MAGI2: variants seen among roughly 807,000 people sequenced by gnomAD.
MAGI2 encodes the protein membrane associated guanylate kinase, WW and PDZ domain containing 2.
A neutral mutation model predicts 133.3 loss-of-function variants in MAGI2; 35 were observed. The ratio of observed to expected loss-of-function variants is 0.26; its 90% CI spans 0.20 to 0.35. The LOEUF is 0.35. Among genes scored for constraint, MAGI2 ranks in the 10% least tolerant of loss-of-function variants. The probability of loss-of-function intolerance (pLI) is 1.00; values close to 1 mark genes in which losing one functional copy is unlikely to be tolerated. For synonymous variants in MAGI2, 729 were observed against 710.6 expected (o/e 1.03, Z -0.41); for missense variants, 1,636 against 1,863.4 (o/e 0.88, Z 2.25).
rs1381425516 is a variant in MAGI2, at chr7:78,350,691, G to A, written c.1104-4648C>T. 2.0e-5 allele frequency: 3 copies of A among 152,292 alleles called. No homozygotes were observed. In the South Asian group the frequency reaches 6.2e-4, roughly 32 times the overall value. The allele number at this position is 152,292 out of a possible 1,614,324, so 9.4% of individuals were successfully genotyped here. A position where few individuals can be genotyped will look rare whatever the true frequency, so the allele number is the denominator to read the frequency against. On this transcript the variant is annotated intron_variant, in intron 7 of 21. Transcript: ENST00000354212. ...CTGATTAGAGGCCATGCTGCCAAAG[G>A]TGGTCCCTGGTCCAGGTCCTGTTTG...
At chr7:79,330,814 T>A (rs1399176999) in intron 1 of MAGI2, among the ~76,000 whole-genome samples, 4 of 152,120 alleles carry the variant, frequency 2.6e-5, no homozygotes. Context: ...TGGCAGAGTA[T>A]AAATATGCAA....
intron 1 of MAGI2, among the ~76,000 whole-genome samples, chr7:79,078,759 C>G (rs1815772063): frequency 6.6e-6 from 1 of 152,052 alleles, no homozygotes; most frequent in South Asian, 2.1e-4. Flanking sequence ...CCAATAAACA[C>G]ATTTTTAAAA....
chr7:78,726,463 T>G (rs1270975434), intron 2 of MAGI2, among the ~76,000 whole-genome samples: 1 of 152,182 alleles, frequency 6.6e-6, no homozygotes, highest in African/African-American at 2.4e-5. Flanking sequence ...ATAGCTGAAG[T>G]AATAATTCAA....
At chr7:78,653,578 G>T (rs887281065) in intron 2 of MAGI2, among the ~76,000 whole-genome samples, 1 of 151,802 alleles carries the variant, frequency 6.6e-6, no homozygotes, top group African/African-American at 2.4e-5. Context: ...AGTGGGAGTT[G>T]AATAATGAGA....
intron 21 of MAGI2, 150 bp downstream of exon 21, chr7:78,078,775 CGTGTGTGTGTGTATGTGTGTGT>C: frequency 1.7e-6 from 1 of 594,208 alleles, no homozygotes; most frequent in Non-Finnish European, 2.9e-6. Context: ...CATAAACATA[CGTGTGTGTGTGTATGTGTGTGT>C]GTGTGTGTGT....
chr7:78,270,948 C>CT (rs996999283), intron 9 of MAGI2, among the ~76,000 whole-genome samples: 3 of 151,984 alleles, frequency 2.0e-5, no homozygotes, highest in East Asian at 1.9e-4. Context: ...AATTGAATAC[C>CT]TTTTTTTTCT....
intron 13 of MAGI2, among the ~76,000 whole-genome samples, chr7:78,181,851 A>C (rs1269344400): frequency 2.0e-5 from 3 of 152,160 alleles, no homozygotes; most frequent in Non-Finnish European, 2.9e-5. Context: ...TCACATGAAG[A>C]CTCTAGGGGC....
intron 16 of MAGI2, chr7:78,158,129 C>T (rs1563194429): frequency 6.6e-6 from 1 of 152,078 alleles, no homozygotes; most frequent in African/African-American, 2.4e-5. Flanking sequence ...GCTTAATACT[C>T]ACCCCTCCCC....
intron 2 of MAGI2, among the ~76,000 whole-genome samples, chr7:78,776,825 T>C (rs139173314): frequency 6.6e-6 from 1 of 151,992 alleles, no homozygotes; most frequent in East Asian, 1.9e-4. Context: ...AAAATTATCT[T>C]CTTTTTTCAA....
In MAGI2 at chr7:78,767,671, C is replaced by T. The variant is rs577769658; in HGVS notation, c.419-140432G>A. Among the ~76,000 whole-genome samples, 20 of 152,218 alleles carry T rather than the reference C, an allele frequency of 1.3e-4. No individual in the cohort carries two copies. In the East Asian group the frequency reaches 2.3e-3, roughly 18 times the overall value. ...TAAGATATTCTCAGAAAGTTAGTAG[C>T]TTTGTGATTAAAAATGTTTCAAGAA... On this transcript the variant is annotated intron_variant, in intron 2 of 21. Transcript: ENST00000354212.
At chr7:79,095,787 A>G (rs570284059) in intron 1 of MAGI2, among the ~76,000 whole-genome samples, 1 of 152,350 alleles carries the variant, frequency 6.6e-6, no homozygotes, top group South Asian at 2.1e-4. Context: ...CGATATGAAA[A>G]TAATAAAAAA....
intron 2 of MAGI2, among the ~76,000 whole-genome samples, chr7:78,982,427 C>T (rs189656760): frequency 8.6e-5 from 13 of 151,816 alleles, no homozygotes; most frequent in Admixed American, 2.0e-4. Flanking sequence ...TTATACTTGG[C>T]TTTTTGTAAG....
At chr7:79,425,357 G>T (rs1253494970) in intron 1 of MAGI2, among the ~76,000 whole-genome samples, 2 of 151,644 alleles carry the variant, frequency 1.3e-5, no homozygotes, top group Non-Finnish European at 2.9e-5. Flanking sequence ...GATCATCCAT[G>T]AGGACGGAAG....
At chr7:79,010,631 C>T (rs1807986911) in intron 1 of MAGI2, among the ~76,000 whole-genome samples, 1 of 152,036 alleles carries the variant, frequency 6.6e-6, no homozygotes, top group Non-Finnish European at 1.5e-5. Context: ...ATAGGATGCA[C>T]ACATCAATCG....
intron 2 of MAGI2, among the ~76,000 whole-genome samples, chr7:78,885,276 A>C (rs994970879): frequency 5.9e-5 from 9 of 152,184 alleles, no homozygotes; most frequent in Non-Finnish European, 1.2e-4. Context: ...CTCATGTAAC[A>C]AACCTGCACA....
chr7:78,413,633 A>T (rs983966422), intron 6 of MAGI2, among the ~76,000 whole-genome samples: 6 of 152,024 alleles, frequency 3.9e-5, no homozygotes, highest in African/African-American at 1.4e-4. Context: ...GTGAATGAGG[A>T]GATCTTGGGG....
intron 6 of MAGI2, among the ~76,000 whole-genome samples, chr7:78,463,787 A>G (rs1463318774): frequency 2.0e-5 from 3 of 152,202 alleles, no homozygotes; most frequent in Non-Finnish European, 2.9e-5. Context: ...ATGCATACTA[A>G]GTAGTGTTTT....
intron 1 of MAGI2, among the ~76,000 whole-genome samples, chr7:79,032,974 A>G (rs1374404044): frequency 6.6e-6 from 1 of 152,094 alleles, no homozygotes; most frequent in African/African-American, 2.4e-5. Context: ...GTAATAGAAG[A>G]CATAAATTCA....
At chr7:78,749,695 T>A (rs2151274902) in intron 2 of MAGI2, among the ~76,000 whole-genome samples, 1 of 152,202 alleles carries the variant, frequency 6.6e-6, no homozygotes, top group East Asian at 1.9e-4. Flanking sequence ...TTATAGGCAC[T>A]GGGGAGATGT....
Sources: allele counts gnomAD v4.1 joint callset (sites outside exome capture counted in the v4.1 genomes callset), GRCh38; gene constraint gnomAD v4.1.1; transcripts MANE v1.5; gene names NCBI Gene and HGNC (gene_info 2026-07-23, HGNC 2026-07-21).